FRS2: variants seen among roughly 807,000 people sequenced by gnomAD.
FRS2 encodes the protein fibroblast growth factor receptor substrate 2, also known as FGFR signalling adaptor.
Under a neutral mutation model 43.9 loss-of-function variants are expected in FRS2, and 8 were observed. That is an observed-to-expected ratio of 0.18 (90% CI 0.11 to 0.33). The LOEUF (loss-of-function observed/expected upper bound fraction) is 0.33. FRS2 is among the 10% of genes least tolerant of loss of function. The probability of loss-of-function intolerance (pLI) is 1.00; values close to 1 mark genes in which losing one functional copy is unlikely to be tolerated. For synonymous variants in FRS2, 219 were observed against 220.3 expected (o/e 0.99, Z 0.05); for missense variants, 534 against 627.6 (o/e 0.85, Z 1.59).
In FRS2 at chr12:69,572,247, A is replaced by C; in HGVS notation, c.542A>C (p.Glu181Ala). The change falls in exon 8 of 9, where the codon GAA (glutamate) becomes GCA (alanine). Residue 181 changes from glutamate to alanine, a missense_variant. By Grantham distance (107) the Glu-to-Ala change is moderately radical. Coordinates refer to ENST00000549921, the MANE Select transcript of FRS2 (RefSeq NM_001278356.2). ...GSARLPSVGE[E>A]STHPLLVAEE... ...GCTCGCCTGCCTTCAGTAGGGGAAG[A>C]ATCTACACATCCTTTGCTTGTGGCT... is the stretch of plus-strand genomic sequence containing the variant. 6.2e-7 allele frequency: 1 copy of C among 1,612,172 alleles called. No homozygotes were observed. Among genetic ancestry groups the C allele is most frequent in the Non-Finnish European group, 8.5e-7 (1 of 1,179,178 alleles).
intron 1 of FRS2, among the ~76,000 whole-genome samples, chr12:69,517,873 T>C (rs1875214469): frequency 6.6e-6 from 1 of 152,208 alleles, no homozygotes; most frequent in African/African-American, 2.4e-5. Context: ...AAATATAAAA[T>C]GATTTCACAG....
intron 1 of FRS2, among the ~76,000 whole-genome samples, chr12:69,484,869 G>T (rs1262643681): frequency 1.3e-5 from 2 of 152,052 alleles, no homozygotes; most frequent in Non-Finnish European, 2.9e-5. Context: ...CAAGAAAATT[G>T]TGCATCTTTT....
At chr12:69,495,941 GA>G (rs536645769) in intron 1 of FRS2, among the ~76,000 whole-genome samples, 9 of 150,838 alleles carry the variant, frequency 6.0e-5, no homozygotes, top group Middle Eastern at 3.4e-3. Context: ...AAAGAGAAAG[GA>G]AAAAAAAAGT....
chr12:69,534,969 T>C (rs774836367), intron 3 of FRS2, among the ~76,000 whole-genome samples: 1 of 152,230 alleles, frequency 6.6e-6, no homozygotes, highest in African/African-American at 2.4e-5. Flanking sequence ...TTGATCCTTT[T>C]CAGTCATATA....
intron 1 of FRS2, among the ~76,000 whole-genome samples, chr12:69,503,882 A>C (rs1287892607): frequency 2.6e-5 from 4 of 152,290 alleles, no homozygotes; most frequent in Middle Eastern, 3.4e-3. Context: ...ATCCCAAATG[A>C]AAATTAGTAT....
At chr12:69,499,457 T>TGTA (rs1382131096) in intron 1 of FRS2, among the ~76,000 whole-genome samples, 4 of 152,168 alleles carry the variant, frequency 2.6e-5, no homozygotes, top group African/African-American at 9.7e-5. Context: ...CCATGTACCA[T>TGTA]GTAGAAATGA....
chr12:69,532,754 A>C (rs1876929362), intron 3 of FRS2, among the ~76,000 whole-genome samples: 2 of 152,326 alleles, frequency 1.3e-5, no homozygotes, highest in South Asian at 4.1e-4. Flanking sequence ...TTTTTAAAAT[A>C]AGTATTAATT....
chr12:69,507,992 C>G (rs1874102260), intron 1 of FRS2, among the ~76,000 whole-genome samples: 1 of 139,940 alleles, frequency 7.1e-6, no homozygotes, highest in Admixed American at 7.6e-5. Context: ...CCATTGCACT[C>G]CAGCCTGGGC....
chr12:69,471,256 C>G (rs1870261313), intron 1 of FRS2, among the ~76,000 whole-genome samples: 1 of 150,922 alleles, frequency 6.6e-6, no homozygotes, highest in African/African-American at 2.4e-5. Flanking sequence ...CCTTTTTTTG[C>G]AGACATACTA....
chr12:69,575,912 G>C lies in FRS2; in HGVS notation c.*957G>C, dbSNP rs1020449848. 6.6e-6 allele frequency: 1 copy of C among 152,488 alleles called. No individual in the cohort carries two copies. The highest frequency in any genetic ancestry group is 6.6e-5 in the Admixed American group (1 of 15,264). The allele number at this position is 152,488 out of a possible 1,614,324, so 9.4% of individuals were successfully genotyped here. ...GAAATTGGATTATGTGTTCATTGTT[G>C]TTTAGTTTGCATTTTTGTCAAATTA... On this transcript the variant is annotated 3_prime_UTR_variant, in exon 9 of 9. Transcript: ENST00000549921.
chr12:69,521,435 T>G (rs911778735), intron 1 of FRS2, among the ~76,000 whole-genome samples: 2 of 152,152 alleles, frequency 1.3e-5, no homozygotes, highest in Non-Finnish European at 2.9e-5. Context: ...CTTCCAATAC[T>G]ATGTTGAATA....
chr12:69,529,414 A>G (rs1031495769), intron 1 of FRS2, among the ~76,000 whole-genome samples: 19 of 152,130 alleles, frequency 1.2e-4, no homozygotes, highest in Admixed American at 9.2e-4. Flanking sequence ...ACTTGAAGCC[A>G]GAAGTTTGAG....
intron 1 of FRS2, among the ~76,000 whole-genome samples, chr12:69,477,709 CTTATTTATTTAT>C (rs138396374): frequency 0.038 from 5,442 of 142,136 alleles, 294 homozygotes; most frequent in African/African-American, 0.11. Flanking sequence ...TTAATAGTAG[CTTATTTATTTAT>C]TTATTTATTT....
intron 1 of FRS2, among the ~76,000 whole-genome samples, chr12:69,475,633 G>A (rs542055052): frequency 5.9e-5 from 9 of 152,278 alleles, no homozygotes; most frequent in East Asian, 3.9e-4. Context: ...AGATAGACCC[G>A]TGTCAAAATC....
rs1730966056 is a variant in FRS2, at chr12:69,500,335, C to G, written c.-261+29805C>G. 5.3e-5 allele frequency among the ~76,000 whole-genome samples: 8 copies of G among 152,222 alleles called. No individual in the cohort carries two copies. In the South Asian group the frequency reaches 1.7e-3, roughly 32 times the overall value. On this transcript the variant is annotated intron_variant, in intron 1 of 8. Transcript: ENST00000549921. The stretch of plus-strand genomic sequence containing the variant: ...TGATTGGTTATTGTATACATTCTAC[C>G]TAAAGTGGGCATACATCCCACACAT...
chr12:69,574,856 C>G lies in FRS2; in HGVS notation c.1428C>G (p.Ile476Met), dbSNP rs181005887. The change falls in exon 9 of 9, where the codon ATC (isoleucine) becomes ATG (methionine). Residue 476 changes from isoleucine (I) to methionine (M), a missense_variant. By Grantham distance (10) the Ile-to-Met change is conservative (BLOSUM62 1). Around this residue, in one of 3 missense-constraint regions of FRS2, gnomAD observed 446 missense variants for 494.2 expected, o/e 0.90. Coordinates refer to ENST00000549921, the MANE Select transcript of FRS2 (RefSeq NM_001278356.2). Reference protein sequence around the residue: ...RRTELYAVIDIERTAAMSNLQ... With the variant: ...RRTELYAVIDMERTAAMSNLQ... ...CAGAGCTGTATGCCGTGATAGACAT[C>G]GAGAGAACTGCTGCTATGTCAAATT... is the stretch of plus-strand genomic sequence containing the variant. The G allele has an allele frequency of 6.2e-7, 1 of 1,613,828 alleles. No homozygotes were observed. Among genetic ancestry groups the G allele is most frequent in the Admixed American group, 1.7e-5 (1 of 60,018 alleles).
At chr12:69,502,040 A>G (rs1873499382) in intron 1 of FRS2, among the ~76,000 whole-genome samples, 1 of 151,670 alleles carries the variant, frequency 6.6e-6, no homozygotes, top group South Asian at 2.1e-4. Flanking sequence ...ATCTCGGCTC[A>G]CTGAAACCTC....
chr12:69,557,106 T>C (rs1879422067), intron 3 of FRS2, among the ~76,000 whole-genome samples: 2 of 152,238 alleles, frequency 1.3e-5, no homozygotes, highest in South Asian at 4.1e-4. Context: ...ATTTTATATA[T>C]GTGTTTTTCA....
chr12:69,507,719 T>A (rs551448654), intron 1 of FRS2, among the ~76,000 whole-genome samples: 2 of 152,292 alleles, frequency 1.3e-5, no homozygotes, highest in South Asian at 4.1e-4. Flanking sequence ...TTTGTGCCCC[T>A]AAGTATGGTA....
Sources: gnomAD v4.1 joint callset for allele counts (sites outside exome capture counted in the v4.1 genomes callset) on GRCh38, gnomAD v4.1.1 for gene constraint, gnomAD v4.1.1 regional missense constraint, MANE v1.5 for transcripts, NCBI Gene and HGNC (gene_info 2026-07-23, HGNC 2026-07-21) for gene names.